The following TMPRSS11D variants were observed in gnomAD, a reference collection of about 807,000 sequenced individuals.
TMPRSS11D encodes transmembrane serine protease 11D.
In TMPRSS11D, 32 loss-of-function variants were observed where a neutral mutation model predicts 44.4. The ratio of observed to expected loss-of-function variants is 0.72; its 90% CI spans 0.54 to 0.97. The LOEUF is 0.97. TMPRSS11D is among the 50% of genes least tolerant of loss of function. The pLI is 0.00. For missense variants in TMPRSS11D, 446 were observed against 502.6 expected, an observed-to-expected ratio of 0.89 and a Z score of 1.08; for synonymous variants, 179 against 177.9, an observed-to-expected ratio of 1.01 and a Z score of -0.05.
At chr4:67,844,907 T>C (rs1718322963) in intron 3 of TMPRSS11D, among the ~76,000 whole-genome samples, 1 of 152,208 alleles carries the variant, frequency 6.6e-6, no homozygotes, top group African/African-American at 2.4e-5. Flanking sequence ...AATATGTTTA[T>C]TAATATGGAA....
chr4:67,882,226 A>C (rs1000672866), intron 1 of TMPRSS11D, among the ~76,000 whole-genome samples: 2 of 152,188 alleles, frequency 1.3e-5, no homozygotes, highest in Admixed American at 6.6e-5. Context: ...GTATTTCAGA[A>C]TTACCTGAAG....
At chr4:67,822,869 T>TC (rs1432561162) in intron 9 of TMPRSS11D, among the ~76,000 whole-genome samples, 10 of 152,324 alleles carry the variant, frequency 6.6e-5, no homozygotes, top group African/African-American at 2.4e-4. Context: ...TCTTTATATC[T>TC]TGTGTGTGTC....
chr4:67,844,266 C>T (rs1437163624), intron 3 of TMPRSS11D, among the ~76,000 whole-genome samples: 12 of 152,088 alleles, frequency 7.9e-5, no homozygotes, highest in East Asian at 1.9e-4. Context: ...TATGCAATCT[C>T]GATTATACCA....
intron 3 of TMPRSS11D, 125 bp downstream of exon 3, chr4:67,853,943 T>C (rs886288595): frequency 3.1e-5 from 17 of 556,636 alleles, no homozygotes; most frequent in Non-Finnish European, 4.9e-5. Flanking sequence ...GAAACACATG[T>C]TTCACCATTC....
At chr4:67,842,253 G>A (rs557305168) in intron 4 of TMPRSS11D, among the ~76,000 whole-genome samples, 1 of 152,256 alleles carries the variant, frequency 6.6e-6, no homozygotes, top group Non-Finnish European at 1.5e-5. Context: ...AGGCTGCACT[G>A]TGAATGATAT....
chr4:67,854,151 GT>G lies in TMPRSS11D; in HGVS notation c.165del (p.Gln55HisfsTer3). The G allele has an allele frequency of 1.9e-6, 3 of 1,589,460 alleles. No individual in the cohort carries two copies. The highest frequency in any genetic ancestry group is 2.6e-6 in the Non-Finnish European group (3 of 1,168,450). On this transcript the variant is annotated frameshift_variant, in exon 3 of 10. Coordinates refer to ENST00000283916, the MANE Select transcript of TMPRSS11D (RefSeq NM_004262.3). LOFTEE classifies it high-confidence loss of function. ...QKSYFYRSSF[Q>X]LLNVEYNSQL... The stretch of plus-strand genomic sequence containing the variant: ...TGACTATTATATTCAACATTTAGGA[GT>G]TGAAAACTGCTCCTATAAAAGTAAG...
chr4:67,847,331 C>A (rs1718383661), intron 3 of TMPRSS11D, among the ~76,000 whole-genome samples: 1 of 152,134 alleles, frequency 6.6e-6, no homozygotes, highest in Admixed American at 6.5e-5. Flanking sequence ...GTTAATATGG[C>A]TTTAATAGAT....
intron 1 of TMPRSS11D, among the ~76,000 whole-genome samples, chr4:67,864,505 C>G (rs993608493): frequency 4.0e-5 from 6 of 151,758 alleles, no homozygotes; most frequent in African/African-American, 1.5e-4. Flanking sequence ...GAGAAAGAAA[C>G]AAAATGGCAA....
Position 67,822,408 on chromosome 4 carries a change from G to A in TMPRSS11D, c.1186C>T (p.Pro396Ser). Residue 396 changes from proline (P) to serine (S), a missense_variant, in exon 10 of 10, where the codon CCG becomes TCG. By Grantham distance (74) the Pro-to-Ser change is moderately conservative. Coordinates refer to ENST00000283916, the MANE Select transcript of TMPRSS11D (RefSeq NM_004262.3). ...CGAGTATACACTCCTGGCTTATCCG[G>A]CAGGCCACACTGATCTCCCCAGCTT... ...IVSWGDQCGL[P>S]DKPGVYTRVT... is the part of the protein sequence containing the mutation. 6.2e-7 allele frequency: 1 copy of A among 1,613,854 alleles called. No homozygotes were observed. Among genetic ancestry groups the A allele is most frequent in the Non-Finnish European group, 8.5e-7 (1 of 1,179,908 alleles).
At chr4:67,822,798 C>G (rs550493178) in intron 9 of TMPRSS11D, among the ~76,000 whole-genome samples, 50 of 152,182 alleles carry the variant, frequency 3.3e-4, no homozygotes, top group Non-Finnish European at 4.4e-4. Flanking sequence ...CTTCTCTGAT[C>G]AACCTTTTTC....
At chr4:67,834,336 G>C (rs1331641052) in intron 6 of TMPRSS11D, among the ~76,000 whole-genome samples, 1 of 152,038 alleles carries the variant, frequency 6.6e-6, no homozygotes, top group Non-Finnish European at 1.5e-5. Flanking sequence ...TTCCTTTGTG[G>C]CATCTCCCAA....
intron 1 of TMPRSS11D, among the ~76,000 whole-genome samples, chr4:67,882,292 A>G (rs909386834): frequency 6.6e-6 from 1 of 152,222 alleles, no homozygotes; most frequent in Non-Finnish European, 1.5e-5. Flanking sequence ...AGTATATTGT[A>G]CAATTTAATT....
At chr4:67,864,100 T>C (rs1253766680) in intron 1 of TMPRSS11D, among the ~76,000 whole-genome samples, 1 of 151,968 alleles carries the variant, frequency 6.6e-6, no homozygotes, top group Non-Finnish European at 1.5e-5. Context: ...ATTAGTTTAA[T>C]TTATTTATTA....
At chr4:67,838,040 C>A in intron 5 of TMPRSS11D, 132 bp downstream of exon 5, 1 of 725,652 alleles carries the variant, frequency 1.4e-6, no homozygotes, top group Non-Finnish European at 2.0e-6. Context: ...GTATATTTAG[C>A]TTTTTAATGG....
In TMPRSS11D at chr4:67,825,787, A is replaced by T. The variant is rs775139432; in HGVS notation, c.1040T>A (p.Ile347Asn). 3.7e-6 allele frequency: 6 copies of T among 1,613,240 alleles called. No individual in the cohort carries two copies. In the South Asian group the frequency reaches 4.4e-5, roughly 12 times the overall value. The change falls in exon 9 of 10, where the codon ATC becomes AAC. Residue 347 changes from isoleucine to asparagine, a missense_variant. Transcript: ENST00000283916. ...CNAPHSYNGA[I>N]LSGMLCAGVP... is the part of the protein sequence containing the mutation. ...TCCAGCACACAGCATTCCAGACAAGATGGCTCCATTATAACTATGTGGTGC... is the reference window on the plus strand; with the variant it reads ...TCCAGCACACAGCATTCCAGACAAGTTGGCTCCATTATAACTATGTGGTGC...
intron 3 of TMPRSS11D, among the ~76,000 whole-genome samples, chr4:67,851,884 A>T (rs1718518505): frequency 6.6e-6 from 1 of 152,078 alleles, no homozygotes; most frequent in Non-Finnish European, 1.5e-5. Context: ...CCCTGGCAGC[A>T]CTTCTGGCGC....
At chr4:67,824,907 ATG>A (rs1291496041) in intron 9 of TMPRSS11D, among the ~76,000 whole-genome samples, 24 of 152,138 alleles carry the variant, frequency 1.6e-4, no homozygotes, top group Admixed American at 1.6e-3. Flanking sequence ...GATTTCAGAT[ATG>A]TGAACAAAAC....
intron 1 of TMPRSS11D, among the ~76,000 whole-genome samples, chr4:67,872,651 T>C (rs918137010): frequency 2.2e-4 from 34 of 152,216 alleles, no homozygotes; most frequent in African/African-American, 7.7e-4. Flanking sequence ...CTTTTAATGA[T>C]TGTTAACTTA....
chr4:67,880,423 T>G (rs1463427572), intron 1 of TMPRSS11D, among the ~76,000 whole-genome samples: 1 of 152,028 alleles, frequency 6.6e-6, no homozygotes, highest in African/African-American at 2.4e-5. Context: ...ACAGGAGATA[T>G]GGGTCAAGGG....
Sources: allele counts gnomAD v4.1 joint callset (sites outside exome capture counted in the v4.1 genomes callset), GRCh38; gene constraint gnomAD v4.1.1; transcripts MANE v1.5; gene names NCBI Gene and HGNC (gene_info 2026-07-23, HGNC 2026-07-21).